RORB: variants seen among roughly 807,000 people sequenced by gnomAD.
RORB encodes the protein RAR related orphan receptor B, also known as nuclear receptor ROR-beta.
In RORB, 6 loss-of-function variants were observed where a neutral mutation model predicts 59.1. That is an observed-to-expected ratio of 0.10 (90% CI 0.06 to 0.20). RORB has a LOEUF of 0.20. Among genes scored for constraint, RORB ranks in the 10% least tolerant of loss-of-function variants. RORB has a pLI of 1.00. For synonymous variants in RORB, 215 were observed against 204.5 expected, an observed-to-expected ratio of 1.05 and a Z score of -0.44; for missense variants, 320 against 560.5, an observed-to-expected ratio of 0.57 and a Z score of 4.33.
intron 1 of RORB, among the ~76,000 whole-genome samples, chr9:74,505,236 C>T (rs1336902622): frequency 6.6e-6 from 1 of 151,944 alleles, no homozygotes; most frequent in African/African-American, 2.4e-5. Context: ...AATGTCTCTC[C>T]TTATCTGAAA....
intron 9 of RORB, among the ~76,000 whole-genome samples, chr9:74,677,426 A>G (rs901802446): frequency 1.3e-5 from 2 of 152,190 alleles, no homozygotes; most frequent in Non-Finnish European, 2.9e-5. Context: ...TTTTATGATT[A>G]TATGTTGAAA....
chr9:74,661,285 T>C (rs1214757518), intron 5 of RORB, among the ~76,000 whole-genome samples: 2 of 152,230 alleles, frequency 1.3e-5, no homozygotes, highest in Non-Finnish European at 2.9e-5. Context: ...GAATTTATTG[T>C]TGTTTTTCAG....
intron 1 of RORB, among the ~76,000 whole-genome samples, chr9:74,587,820 G>T (rs1006085405): frequency 6.6e-6 from 1 of 152,120 alleles, no homozygotes; most frequent in African/African-American, 2.4e-5. Flanking sequence ...TTGTCCCATT[G>T]GCCAAAGTAA....
At chr9:74,547,529 A>T (rs986555166) in intron 1 of RORB, among the ~76,000 whole-genome samples, 1 of 152,204 alleles carries the variant, frequency 6.6e-6, no homozygotes, top group South Asian at 2.1e-4. Flanking sequence ...GCAATTTTAA[A>T]TAGAGTTGTC....
intron 6 of RORB, among the ~76,000 whole-genome samples, chr9:74,665,227 A>G (rs1242584505): frequency 1.3e-5 from 2 of 152,198 alleles, no homozygotes; most frequent in Non-Finnish European, 2.9e-5. Flanking sequence ...CTAATATATT[A>G]AATTGGTGCA....
intron 1 of RORB, among the ~76,000 whole-genome samples, chr9:74,537,909 T>C (rs1172553824): frequency 6.6e-6 from 1 of 152,088 alleles, no homozygotes; most frequent in Admixed American, 6.6e-5. Context: ...TCTACGGTAG[T>C]ATACAGTAAC....
At chr9:74,672,840 A>G (rs982919130) in intron 9 of RORB, among the ~76,000 whole-genome samples, 23 of 152,196 alleles carry the variant, frequency 1.5e-4, no homozygotes, top group Admixed American at 9.8e-4. Context: ...GTTAAAGATC[A>G]TAGGAATCCT....
At chr9:74,577,583 A>G (rs954509387) in intron 1 of RORB, among the ~76,000 whole-genome samples, 2 of 152,100 alleles carry the variant, frequency 1.3e-5, no homozygotes, top group African/African-American at 4.8e-5. Flanking sequence ...CTCCAAAACC[A>G]AGAGCAAAAC....
At chr9:74,612,665 A>G (rs562929140) in intron 1 of RORB, among the ~76,000 whole-genome samples, 1 of 152,288 alleles carries the variant, frequency 6.6e-6, no homozygotes, top group South Asian at 2.1e-4. Context: ...CTCAGTAGAC[A>G]TAAAGATGTA....
chr9:74,515,968 T>C (rs1276726173), intron 1 of RORB, among the ~76,000 whole-genome samples: 1 of 151,864 alleles, frequency 6.6e-6, no homozygotes, highest in African/African-American at 2.4e-5. Flanking sequence ...CCACCGCAAA[T>C]GAAAGAAACA....
chr9:74,513,842 T>A (rs1348263820), intron 1 of RORB, among the ~76,000 whole-genome samples: 2 of 152,120 alleles, frequency 1.3e-5, no homozygotes, highest in African/African-American at 2.4e-5. Context: ...ATATATAAAA[T>A]CTAAAATGCT....
chr9:74,592,876 C>T (rs1218474281), intron 1 of RORB, among the ~76,000 whole-genome samples: 3 of 152,126 alleles, frequency 2.0e-5, no homozygotes, highest in Non-Finnish European at 2.9e-5. Flanking sequence ...CACATGCACA[C>T]GCACACACAC....
intron 1 of RORB, among the ~76,000 whole-genome samples, chr9:74,562,083 C>T (rs1210626018): frequency 1.3e-5 from 2 of 152,096 alleles, no homozygotes; most frequent in Non-Finnish European, 2.9e-5. Context: ...CGTCATATTG[C>T]TGATGGTGTT....
At chr9:74,553,862 A>G (rs1826649500) in intron 1 of RORB, among the ~76,000 whole-genome samples, 11 of 152,200 alleles carry the variant, frequency 7.2e-5, no homozygotes, top group Admixed American at 6.6e-4. Context: ...GGCGTAAACA[A>G]TATGCAACCA....
intron 1 of RORB, among the ~76,000 whole-genome samples, chr9:74,531,460 C>T (rs1042587627): frequency 1.3e-5 from 2 of 151,964 alleles, no homozygotes; most frequent in African/African-American, 4.8e-5. Context: ...ATTTCCCCTC[C>T]TGAATGAATG....
At chr9:74,639,185 T>C (rs887793980) in intron 3 of RORB, among the ~76,000 whole-genome samples, 3 of 152,228 alleles carry the variant, frequency 2.0e-5, no homozygotes, top group African/African-American at 7.2e-5. Context: ...CTGGCTCTGC[T>C]TCACATATCC....
At chr9:74,543,221 TC>T (rs1826435839) in intron 1 of RORB, among the ~76,000 whole-genome samples, 1 of 152,112 alleles carries the variant, frequency 6.6e-6, no homozygotes, top group Admixed American at 6.6e-5. Flanking sequence ...CATGCTTCTT[TC>T]CACCACATAC....
At chr9:74,638,953 C>T (rs952690946) in intron 3 of RORB, among the ~76,000 whole-genome samples, 1 of 152,220 alleles carries the variant, frequency 6.6e-6, no homozygotes, top group Non-Finnish European at 1.5e-5. Context: ...TTCAGTTGCT[C>T]AGTGACCTGA....
chr9:74,616,852 A>C (rs998001050), intron 1 of RORB, among the ~76,000 whole-genome samples: 1 of 152,142 alleles, frequency 6.6e-6, no homozygotes, highest in Non-Finnish European at 1.5e-5. Context: ...ACACACAGAC[A>C]CACACACAAT....
Sources: gnomAD v4.1 joint callset for allele counts (sites outside exome capture counted in the v4.1 genomes callset) on GRCh38, gnomAD v4.1.1 for gene constraint, MANE v1.5 for transcripts, NCBI Gene and HGNC (gene_info 2026-07-23, HGNC 2026-07-21) for gene names.